The following ANO3 variants were observed in gnomAD, a reference collection of about 807,000 sequenced individuals.
ANO3 encodes the protein anoctamin 3.
Under a neutral mutation model 144.8 loss-of-function variants are expected in ANO3, and 99 were observed. The ratio of observed to expected loss-of-function variants is 0.68; its 90% confidence interval spans 0.58 to 0.81. The LOEUF is 0.81. Among genes scored for constraint, ANO3 ranks in the 30% least tolerant of loss-of-function variants. ANO3 has a pLI of 0.00. For missense variants in ANO3, 905 were observed against 1,202.2 expected, an observed-to-expected ratio of 0.75 and a Z score of 3.66; for synonymous variants, 414 against 392.6, an observed-to-expected ratio of 1.05 and a Z score of -0.64.
intron 1 of ANO3, among the ~76,000 whole-genome samples, chr11:26,292,781 G>T (rs1282046828): frequency 6.6e-6 from 1 of 152,168 alleles, no homozygotes; most frequent in African/African-American, 2.4e-5. Context: ...GTTGCTGCCT[G>T]ATCCTTCCTC....
chr11:26,587,180 G>A (rs1453234238), intron 14 of ANO3, among the ~76,000 whole-genome samples: 1 of 152,170 alleles, frequency 6.6e-6, no homozygotes, highest in Non-Finnish European at 1.5e-5. Flanking sequence ...TTATGCCAGA[G>A]TAGACAAAAT....
At chr11:26,453,652 T>G (rs182236716) in intron 3 of ANO3, among the ~76,000 whole-genome samples, 7,939 of 152,066 alleles carry the variant, frequency 0.052, 246 homozygotes, top group African/African-American at 0.08. Flanking sequence ...CACCCCACTG[T>G]CAACATTAGA....
At chr11:26,372,034 T>C (rs897828396) in intron 1 of ANO3, among the ~76,000 whole-genome samples, 1 of 152,162 alleles carries the variant, frequency 6.6e-6, no homozygotes, top group Admixed American at 6.6e-5. Flanking sequence ...GGACCAGGGA[T>C]GGAATGATAT....
intron 4 of ANO3, among the ~76,000 whole-genome samples, chr11:26,485,026 T>G (rs1342029164): frequency 6.6e-6 from 1 of 152,180 alleles, no homozygotes; most frequent in Non-Finnish European, 1.5e-5. Flanking sequence ...TGGAATCAAC[T>G]GGCTTGTTTT....
upstream of ANO3, among the ~76,000 whole-genome samples, chr11:26,328,384 C>G (rs1854944762): frequency 6.6e-6 from 1 of 152,134 alleles, no homozygotes; most frequent in African/African-American, 2.4e-5. Flanking sequence ...GAAAGTACTG[C>G]TTTTCCATTT....
intron 1 of ANO3, among the ~76,000 whole-genome samples, chr11:26,236,644 CT>C (rs1205766376): frequency 1.3e-5 from 2 of 151,936 alleles, no homozygotes; most frequent in Admixed American, 6.6e-5. Context: ...CAGTGAAACC[CT>C]GTCTCTACTA....
At chr11:26,367,838 A>C (rs753153242) in intron 1 of ANO3, among the ~76,000 whole-genome samples, 1 of 152,180 alleles carries the variant, frequency 6.6e-6, no homozygotes, top group Non-Finnish European at 1.5e-5. Context: ...TGCCACAGGG[A>C]GAAAGCAGGA....
chr11:26,455,025 AC>A (rs1859098140), intron 3 of ANO3, among the ~76,000 whole-genome samples: 1 of 149,526 alleles, frequency 6.7e-6, no homozygotes, highest in South Asian at 2.1e-4. Flanking sequence ...ATTCAACAAC[AC>A]TTCATGCTAA....
intron 1 of ANO3, among the ~76,000 whole-genome samples, chr11:26,235,206 C>T (rs1402489387): frequency 6.6e-6 from 1 of 152,152 alleles, no homozygotes; most frequent in Admixed American, 6.5e-5. Flanking sequence ...TAATGTTTAA[C>T]CAGGTATCTG....
At position 26,336,860 on chromosome 11, in the gene ANO3, GTC is replaced by G. The variant is rs534401435; in HGVS notation, c.46+4544_46+4545del. 5.6e-4 allele frequency among the ~76,000 whole-genome samples: 86 copies of G among 152,234 alleles called. No homozygotes were observed. In the South Asian group the frequency reaches 0.017, roughly 30 times the overall value. The stretch of plus-strand genomic sequence containing the variant: ...TTATGACTAAAGCTCAGAAGGCATT[GTC>G]TCTCATTAAAATAATTCTAAGTTGT... On this transcript the variant is annotated intron_variant, in intron 1 of 26. Coordinates refer to ENST00000256737, the MANE Select transcript of ANO3 (RefSeq NM_031418.4).
intron 1 of ANO3, among the ~76,000 whole-genome samples, chr11:26,303,598 T>C (rs1023180421): frequency 1.3e-5 from 2 of 152,198 alleles, no homozygotes; most frequent in African/African-American, 4.8e-5. Flanking sequence ...TTGAGTACTA[T>C]GCTCACTACC....
At chr11:26,641,262 T>C (rs1353577195) in intron 21 of ANO3, among the ~76,000 whole-genome samples, 1 of 152,190 alleles carries the variant, frequency 6.6e-6, no homozygotes, top group East Asian at 1.9e-4. Context: ...AATAGCAGAA[T>C]ATAATAATCA....
intron 1 of ANO3, among the ~76,000 whole-genome samples, chr11:26,342,320 T>C (rs975926143): frequency 1.3e-5 from 2 of 152,178 alleles, no homozygotes; most frequent in African/African-American, 2.4e-5. Context: ...TTAACAAAAA[T>C]GTAATGATAT....
intron 1 of ANO3, among the ~76,000 whole-genome samples, chr11:26,339,667 A>C (rs575189909): frequency 2.8e-4 from 43 of 152,320 alleles, no homozygotes; most frequent in African/African-American, 8.9e-4. Flanking sequence ...GAACTTGATC[A>C]TGGGTAGTTC....
At chr11:26,535,801 T>C (rs1409918250) in intron 9 of ANO3, among the ~76,000 whole-genome samples, 7 of 151,534 alleles carry the variant, frequency 4.6e-5, no homozygotes, top group Non-Finnish European at 8.8e-5. Flanking sequence ...GCCAGGACAG[T>C]GTCAATCTCC....
intron 1 of ANO3, among the ~76,000 whole-genome samples, chr11:26,406,498 A>G (rs1241998573): frequency 6.6e-6 from 1 of 151,852 alleles, no homozygotes; most frequent in Non-Finnish European, 1.5e-5. Context: ...CAGAGAATCA[A>G]AAGGTCCTTG....
intron 14 of ANO3, chr11:26,565,040 A>G: frequency 1.0e-6 from 1 of 972,624 alleles, no homozygotes; most frequent in South Asian, 2.7e-5. Flanking sequence ...CTCAAAAGTG[A>G]GAAAATCCAT....
intron 24 of ANO3, among the ~76,000 whole-genome samples, chr11:26,653,566 A>G (rs1853597440): frequency 6.6e-6 from 1 of 151,910 alleles, no homozygotes; most frequent in African/African-American, 2.4e-5. Flanking sequence ...AAGAGCCAAA[A>G]TCCTCCTTAA....
intron 4 of ANO3, among the ~76,000 whole-genome samples, chr11:26,500,713 G>A (rs1861158798): frequency 6.6e-6 from 1 of 151,744 alleles, no homozygotes. Context: ...CTTATCAGAT[G>A]TTTGGTTTCT....
Sources: gnomAD v4.1 joint callset for allele counts (sites outside exome capture counted in the v4.1 genomes callset) on GRCh38, gnomAD v4.1.1 for gene constraint, MANE v1.5 for transcripts, NCBI Gene and HGNC (gene_info 2026-07-23, HGNC 2026-07-21) for gene names.